The following MREG variants were observed in gnomAD, a reference collection of about 807,000 sequenced individuals.
MREG encodes dilute suppressor protein homolog.
Under a neutral mutation model 28.5 loss-of-function variants are expected in MREG, and 31 were observed. The observed-to-expected ratio is 1.09, with a 90% CI of 0.82 to 1.47. The LOEUF (loss-of-function observed/expected upper bound fraction) is 1.47, where lower values mean the gene tolerates loss of function less well. Among genes scored for constraint, MREG ranks in the 40% most tolerant of loss-of-function variants. The probability of loss-of-function intolerance (pLI) is 0.00; values close to 1 mark genes in which losing one functional copy is unlikely to be tolerated. For synonymous variants in MREG, 106 were observed against 95.2 expected, an observed-to-expected ratio of 1.11 and a Z score of -0.66; for missense variants, 256 against 257.4, an observed-to-expected ratio of 0.99 and a Z score of 0.04.
At chr2:215,972,782 T>TA (rs1693139680) in intron 2 of MREG, among the ~76,000 whole-genome samples, 1 of 152,178 alleles carries the variant, frequency 6.6e-6, no homozygotes, top group Non-Finnish European at 1.5e-5. Context: ...AATTGTTTTT[T>TA]AAAAAACAAC....
rs573059092 is a variant in MREG at position 216,028,706 on chromosome 2, A to G, written c.-68+4083T>C. Among the ~76,000 whole-genome samples the G allele has an allele frequency of 9.2e-5, 14 of 152,172 alleles. No individual in the cohort carries two copies. In the South Asian group the frequency reaches 2.9e-3, roughly 32 times the overall value. ...CTGTACTCTAGATATTTTCTCAAAC[A>G]TACTTGGATTTTGGGAATTCGAATT... On this transcript the variant is annotated intron_variant, in intron 1 of 3. Transcript: ENST00000420348.
intron 2 of MREG, among the ~76,000 whole-genome samples, chr2:215,971,102 T>C (rs6740089): frequency 0.96 from 146,036 of 152,080 alleles, 70,159 homozygotes; most frequent in African/African-American, 0.98. Context: ...TACACGAACA[T>C]GGGGGTGGGG....
Position 215,960,578 on chromosome 2 carries a change from G to A in MREG, c.256-13465C>T, listed in dbSNP as rs371532729. ...GGGCTGGGCACGGTGGCTCATGCCT[G>A]TAATCCCAGCACTTTGGGAGGCTGA... On this transcript the variant is annotated intron_variant, in intron 2 of 4. Transcript: ENST00000263268. 3.3e-4 allele frequency among the ~76,000 whole-genome samples: 50 copies of A among 152,230 alleles called. No homozygotes were observed. The East Asian group carries it at 8.8e-3, about 27-fold the overall frequency.
At chr2:215,973,237 C>T (rs1407410384) in intron 2 of MREG, among the ~76,000 whole-genome samples, 1 of 152,226 alleles carries the variant, frequency 6.6e-6, no homozygotes, top group Non-Finnish European at 1.5e-5. Flanking sequence ...CTTCGTCCTA[C>T]TCCAAAGCCC....
At chr2:215,984,404 A>G (rs189668927) in intron 2 of MREG, among the ~76,000 whole-genome samples, 13 of 151,466 alleles carry the variant, frequency 8.6e-5, no homozygotes, top group Admixed American at 2.0e-4. Flanking sequence ...CTGCAATCCA[A>G]TGCTTTGGGA....
At chr2:215,969,701 C>G (rs1370447433) in intron 2 of MREG, among the ~76,000 whole-genome samples, 2 of 152,120 alleles carry the variant, frequency 1.3e-5, no homozygotes, top group Non-Finnish European at 2.9e-5. Flanking sequence ...ATATAAGCAT[C>G]CTTGAAAAGA....
At chr2:215,965,413 C>T (rs1453083798) in intron 2 of MREG, among the ~76,000 whole-genome samples, 1 of 152,060 alleles carries the variant, frequency 6.6e-6, no homozygotes, top group African/African-American at 2.4e-5. Flanking sequence ...AGGACAGGAG[C>T]CCCAGCAGAG....
At chr2:215,974,714 TG>T in intron 2 of MREG, among the ~76,000 whole-genome samples, 1 of 152,116 alleles carries the variant, frequency 6.6e-6, no homozygotes, top group Non-Finnish European at 1.5e-5. Context: ...CTTAGACCCT[TG>T]GAAAGATAAA....
chr2:215,974,152 C>T (rs547883278), intron 2 of MREG, among the ~76,000 whole-genome samples: 1 of 152,128 alleles, frequency 6.6e-6, no homozygotes, highest in Non-Finnish European at 1.5e-5. Flanking sequence ...TGTGGCCTGC[C>T]TCCTAGATTG....
intron 2 of MREG, among the ~76,000 whole-genome samples, chr2:215,959,052 T>C (rs544733753): frequency 1.3e-5 from 2 of 152,178 alleles, no homozygotes; most frequent in South Asian, 2.1e-4. Flanking sequence ...CTCCAGCTGA[T>C]CCCCCTCACT....
At chr2:215,947,599 T>C (rs1358287729) in intron 2 of MREG, among the ~76,000 whole-genome samples, 1 of 152,182 alleles carries the variant, frequency 6.6e-6, no homozygotes, top group Non-Finnish European at 1.5e-5. Flanking sequence ...AGAATAGATA[T>C]TGGAAGCCAA....
At chr2:216,005,811 C>A in intron 1 of MREG, among the ~76,000 whole-genome samples, 1 of 130,396 alleles carries the variant, frequency 7.7e-6, no homozygotes, top group Admixed American at 8.6e-5. Flanking sequence ...TAATATCACA[C>A]ATTGGAACAC....
chr2:216,016,727 C>A (rs1694453995), upstream of MREG, among the ~76,000 whole-genome samples: 1 of 152,118 alleles, frequency 6.6e-6, no homozygotes, highest in African/African-American at 2.4e-5. Flanking sequence ...AATGTCAGCT[C>A]CAGCACTACT....
intron 3 of MREG, among the ~76,000 whole-genome samples, chr2:215,946,460 A>T (rs62183185): frequency 6.6e-6 from 1 of 152,068 alleles, no homozygotes; most frequent in Non-Finnish European, 1.5e-5. Context: ...AAGCAGGATT[A>T]TATAATGTGG....
intron 1 of MREG, among the ~76,000 whole-genome samples, chr2:216,013,015 C>T (rs1203565508): frequency 6.6e-6 from 1 of 152,220 alleles, no homozygotes; most frequent in Non-Finnish European, 1.5e-5. Context: ...CCAGCTGGGT[C>T]TCAGGTGTCT....
intron 2 of MREG, among the ~76,000 whole-genome samples, chr2:215,954,229 C>G (rs941354367): frequency 1.3e-5 from 2 of 152,184 alleles, no homozygotes; most frequent in Non-Finnish European, 2.9e-5. Context: ...ATTCAACTCT[C>G]TTATGAAGAC....
At chr2:215,954,636 G>T (rs1430717177) in intron 2 of MREG, among the ~76,000 whole-genome samples, 1 of 151,946 alleles carries the variant, frequency 6.6e-6, no homozygotes, top group African/African-American at 2.4e-5. Context: ...TAAAAAAGAA[G>T]AAACAGAAAA....
intron 2 of MREG, among the ~76,000 whole-genome samples, chr2:215,983,368 C>T (rs3770544): frequency 0.11 from 17,369 of 152,246 alleles, 1,306 homozygotes; most frequent in East Asian, 0.39. Context: ...ATCAGTTCAA[C>T]CCCCCTTTCC....
chr2:215,944,938 G>T lies in MREG; in HGVS notation c.570C>A (p.Tyr190Ter), dbSNP rs1269783939. 6.2e-7 allele frequency: 1 copy of T among 1,608,334 alleles called. No homozygotes were observed. The highest frequency in any genetic ancestry group is 1.3e-5 in the African/African-American group (1 of 74,968). Residue 190 changes from tyrosine to a stop codon, truncating the protein, a stop_gained, in exon 5 of 5, where the codon TAC becomes TAA. Coordinates refer to ENST00000263268, the MANE Select transcript of MREG (RefSeq NM_018000.3). LOFTEE classifies it high-confidence loss of function. ...GGCATGGAACCCCAGGCTTCTTGGG[G>T]TAAGTTCGACGAGCAAGCTTAAAGA... The part of the protein sequence containing the change: ...EEFFKLARRT[Y>*]PKKPGVPCLA...
Sources: gnomAD v4.1 joint callset for allele counts (sites outside exome capture counted in the v4.1 genomes callset) on GRCh38, gnomAD v4.1.1 for gene constraint, MANE v1.5 for transcripts, NCBI Gene and HGNC (gene_info 2026-07-23, HGNC 2026-07-21) for gene names.